STAT4: variants seen among roughly 807,000 people sequenced by gnomAD.
STAT4 encodes the protein signal transducer and activator of transcription 4.
STAT4 carries 42 observed loss-of-function variants against 110.5 expected under a neutral mutation model. The ratio of observed to expected loss-of-function variants is 0.38; its 90% confidence interval spans 0.30 to 0.49. STAT4 has a LOEUF of 0.49. Among genes scored for constraint, STAT4 ranks in the 20% least tolerant of loss-of-function variants. The probability of loss-of-function intolerance (pLI) is 0.95; values close to 1 mark genes in which losing one functional copy is unlikely to be tolerated. For synonymous variants in STAT4, 284 were observed against 302.2 expected, an observed-to-expected ratio of 0.94 and a Z score of 0.63; for missense variants, 632 against 887.9, an observed-to-expected ratio of 0.71 and a Z score of 3.66.
chr2:191,138,735 G>A lies in STAT4; in HGVS notation c.273+7878C>T, dbSNP rs1436601855. Among the ~76,000 whole-genome samples the A allele has an allele frequency of 6.6e-6, 1 of 152,134 alleles. No homozygotes were observed. Among genetic ancestry groups the A allele is most frequent in the East Asian group, 1.9e-4 (1 of 5,200 alleles). ...CTATTGCAAAAGATAGTGAAAGAGG[G>A]AATTCTCTCTAAATCATTCCATGAA... On this transcript the variant is annotated intron_variant, in intron 3 of 23. Transcript: ENST00000392320. This position sits in a 1 kb window ranked among gnomAD's most constrained non-coding sequence, Gnocchi z 4.3.
At chr2:191,054,040 T>C (rs1168793741) in intron 14 of STAT4, among the ~76,000 whole-genome samples, 1 of 150,202 alleles carries the variant, frequency 6.7e-6, no homozygotes, top group Non-Finnish European at 1.5e-5. Context: ...AGGTGGGAGG[T>C]TCACTTGAGC....
chr2:191,148,865 A>G (rs13010823), intron 1 of STAT4, among the ~76,000 whole-genome samples: 18,188 of 152,074 alleles, frequency 0.12, 1,199 homozygotes, highest in East Asian at 0.21. Flanking sequence ...TCCATTATAG[A>G]TGGGCAAAGC....
chr2:191,149,625 G>T (rs960778127), intron 1 of STAT4, among the ~76,000 whole-genome samples: 8 of 152,110 alleles, frequency 5.3e-5, no homozygotes, highest in Non-Finnish European at 2.9e-5. Context: ...TAATGTGTGA[G>T]GCTTCTAAGG....
chr2:191,067,454 T>G (rs760218388), intron 6 of STAT4, among the ~76,000 whole-genome samples: 5 of 152,184 alleles, frequency 3.3e-5, no homozygotes, highest in African/African-American at 4.8e-5. Flanking sequence ...AGGAAAAGTC[T>G]GAAAATTAAA....
chr2:191,074,252 T>A, intron 4 of STAT4, among the ~76,000 whole-genome samples: 1 of 152,164 alleles, frequency 6.6e-6, no homozygotes, highest in East Asian at 1.9e-4. Flanking sequence ...TCATCTTAAG[T>A]TGGGTGGGGA....
At position 191,142,807 on chromosome 2, in the gene STAT4, G is replaced by C. The variant is rs1699370730; in HGVS notation, c.273+3806C>G. ...AGTGAAAAGATCGGTAGTGTTCAGG[G>C]GCTCCGTGGGAAGCGAGAGAAGGAT... is the stretch of plus-strand genomic sequence containing the variant. On this transcript the variant is annotated intron_variant, in intron 3 of 23. Coordinates refer to ENST00000392320, the MANE Select transcript of STAT4 (RefSeq NM_003151.4). The surrounding 1 kb of genome is among the most constrained non-coding windows in gnomAD (Gnocchi z 4.1). 6.6e-6 allele frequency among the ~76,000 whole-genome samples: 1 copy of C among 152,078 alleles called. No homozygotes were observed. The highest frequency in any genetic ancestry group is 2.4e-5 in the African/African-American group (1 of 41,400).
Position 191,053,943 on chromosome 2 carries a change from C to T in STAT4, c.1251+547G>A, listed in dbSNP as rs961127526. 5.9e-5 allele frequency among the ~76,000 whole-genome samples: 9 copies of T among 151,936 alleles called. No individual in the cohort carries two copies. The highest frequency in any genetic ancestry group is 1.3e-4 in the Non-Finnish European group (9 of 67,988). On this transcript the variant is annotated intron_variant, in intron 14 of 23. Coordinates refer to ENST00000392320, the MANE Select transcript of STAT4 (RefSeq NM_003151.4). The surrounding 1 kb of genome is among the most constrained non-coding windows in gnomAD (Gnocchi z 4.5). ...AGGGGTTCAAGACCAGCCTGGGAAA[C>T]ATGGTGGGACTCTGTCTCTACGAAA...
Position 191,061,706 on chromosome 2 carries a change from T to C in STAT4, c.1034+23A>G. ...ACTATAGCTCCACAAACACACGAAA[T>C]AGTAGAAAATGTTTTTGCCTACCTT... On this transcript the variant is annotated intron_variant, in intron 10 of 23. Transcript: ENST00000392320. The surrounding 1 kb of genome is among the most constrained non-coding windows in gnomAD (Gnocchi z 6.2). 4.4e-6 allele frequency: 7 copies of C among 1,603,136 alleles called. No homozygotes were observed. Among genetic ancestry groups the C allele is most frequent in the Non-Finnish European group, 5.1e-6 (6 of 1,170,132 alleles).
intron 16 of STAT4, among the ~76,000 whole-genome samples, chr2:191,036,676 C>G (rs1255774660): frequency 6.6e-6 from 1 of 152,142 alleles, no homozygotes; most frequent in African/African-American, 2.4e-5. Flanking sequence ...CCTTCCTTTT[C>G]TTACTGTTCT....
In STAT4 at chr2:191,058,921, T is replaced by C. The variant is rs1324443002; in HGVS notation, c.1035-152A>G. 7 of 529,170 alleles carry C rather than the reference T, an allele frequency of 1.3e-5. No individual in the cohort carries two copies. Among genetic ancestry groups the C allele is most frequent in the Non-Finnish European group, 2.3e-5 (7 of 301,946 alleles). 32.8% of individuals were successfully genotyped at this position (529,170 alleles called of 1,614,324 possible). A position where few individuals can be genotyped will look rare whatever the true frequency, so the allele number is the denominator to read the frequency against. On this transcript the variant is annotated intron_variant, in intron 10 of 23. Transcript: ENST00000392320. This position sits in a 1 kb window ranked among gnomAD's most constrained non-coding sequence, Gnocchi z 4.3. ...GTTATATGTTAGTGTGTTTTAAAAA[T>C]GTATAATGCCTCTTTAGTTTGCCAT...
rs560024758 is a variant in STAT4, at chr2:191,088,089, G to A, written c.274-11764C>T. 3.9e-5 allele frequency among the ~76,000 whole-genome samples: 6 copies of A among 152,208 alleles called. No homozygotes were observed. The South Asian group carries it at 1.0e-3, about 26-fold the overall frequency. ...AAATTCTATACAAATAGGGAAGGAT[G>A]TAATAAAATTTTCTTTGTTCACAGG... On this transcript the variant is annotated intron_variant, in intron 3 of 23. Transcript: ENST00000392320.
At position 191,138,221 on chromosome 2, in the gene STAT4, A is replaced by C. The variant is rs1699232483; in HGVS notation, c.273+8392T>G. ...AAATATGAATAGACATTTCTCAAAA[A>C]AAACTAAATCCAAACCCAGCATAAC... On this transcript the variant is annotated intron_variant, in intron 3 of 23. Coordinates refer to ENST00000392320, the MANE Select transcript of STAT4 (RefSeq NM_003151.4). The surrounding 1 kb of genome is among the most constrained non-coding windows in gnomAD (Gnocchi z 4.3). 6.6e-6 allele frequency among the ~76,000 whole-genome samples: 1 copy of C among 152,056 alleles called. No individual in the cohort carries two copies. The highest frequency in any genetic ancestry group is 1.5e-5 in the Non-Finnish European group (1 of 67,974).
Position 191,109,427 on chromosome 2 carries a change from C to G in STAT4, c.274-33102G>C, listed in dbSNP as rs141725190. Reference sequence around the variant, plus strand: ...ATATCTACTGAACACCTACTATATCCAAGGCTCTGTGTTCGGTTTGTCTAT... The same window carrying G: ...ATATCTACTGAACACCTACTATATCGAAGGCTCTGTGTTCGGTTTGTCTAT... On this transcript the variant is annotated intron_variant, in intron 3 of 23. Transcript: ENST00000392320. Among the ~76,000 whole-genome samples the G allele has an allele frequency of 9.6e-3, 1,461 of 152,082 alleles. 28 individuals are homozygous for G. The highest frequency in any genetic ancestry group is 0.033 in the African/African-American group (1,369 of 41,468).
chr2:191,093,193 T>C (rs777738434), intron 3 of STAT4, among the ~76,000 whole-genome samples: 3 of 152,158 alleles, frequency 2.0e-5, no homozygotes, highest in Non-Finnish European at 4.4e-5. Context: ...AAGAGAGCAG[T>C]GGTTCTCCCA....
intron 3 of STAT4, among the ~76,000 whole-genome samples, chr2:191,115,233 G>A (rs1181880714): frequency 6.6e-6 from 1 of 152,160 alleles, no homozygotes; most frequent in African/African-American, 2.4e-5. Flanking sequence ...ATTTGTCAAG[G>A]TGATTCCTGG....
chr2:191,126,172 T>G (rs561673677), intron 3 of STAT4, among the ~76,000 whole-genome samples: 8 of 152,356 alleles, frequency 5.3e-5, no homozygotes, highest in African/African-American at 1.7e-4. Flanking sequence ...GCTCCCATTT[T>G]TATGCTTTTG....
intron 3 of STAT4, among the ~76,000 whole-genome samples, chr2:191,122,597 T>C (rs1196395307): frequency 6.6e-6 from 1 of 152,180 alleles, no homozygotes; most frequent in African/African-American, 2.4e-5. Context: ...AAACTGGAAA[T>C]AGTCTAAGTA....
rs1451421560 is a variant in STAT4 at position 191,031,786 on chromosome 2, T to C, written c.2045-270A>G. 6.6e-6 allele frequency among the ~76,000 whole-genome samples: 1 copy of C among 152,230 alleles called. No homozygotes were observed. The highest frequency in any genetic ancestry group is 1.5e-5 in the Non-Finnish European group (1 of 68,042). On this transcript the variant is annotated intron_variant, in intron 21 of 23. Transcript: ENST00000392320. This position sits in a 1 kb window ranked among gnomAD's most constrained non-coding sequence, Gnocchi z 4.8. ...TAAACTGTGTGGGAAAAATTGAGAA[T>C]CAACTCTATTACCTGTTTTCTACGT...
At position 191,050,769 on chromosome 2, in the gene STAT4, G is replaced by A. The variant is rs914674668; in HGVS notation, c.1251+3721C>T. On this transcript the variant is annotated intron_variant, in intron 14 of 23. Transcript: ENST00000392320. This position sits in a 1 kb window ranked among gnomAD's most constrained non-coding sequence, Gnocchi z 4.3. ...CTGAGGTACCTCTTTGGCATCTCTGGGTTTTCTGGGAAGAAAATGGGTCTT... is the reference window on the plus strand; with the variant it reads ...CTGAGGTACCTCTTTGGCATCTCTGAGTTTTCTGGGAAGAAAATGGGTCTT... Among the ~76,000 whole-genome samples the A allele has an allele frequency of 6.6e-6, 1 of 152,060 alleles. No individual in the cohort carries two copies. The highest frequency in any genetic ancestry group is 1.5e-5 in the Non-Finnish European group (1 of 68,006).
Sources: allele counts gnomAD v4.1 joint callset (sites outside exome capture counted in the v4.1 genomes callset), GRCh38; gene constraint gnomAD v4.1.1; non-coding constraint Gnocchi (gnomAD v3.1); transcripts MANE v1.5; gene names NCBI Gene and HGNC (gene_info 2026-07-23, HGNC 2026-07-21).